MAPK4: variants seen among roughly 807,000 people sequenced by gnomAD.
The protein encoded by MAPK4 is mitogen-activated protein kinase 4.
Under a neutral mutation model 47.7 loss-of-function variants are expected in MAPK4, and 22 were observed. That is an observed-to-expected ratio of 0.46 (90% confidence interval 0.33 to 0.66). MAPK4 has a LOEUF of 0.66. MAPK4 is among the 30% of genes least tolerant of loss of function. The pLI, the probability that MAPK4 is intolerant of heterozygous loss-of-function variation, is 0.02. For missense variants in MAPK4, 736 were observed against 831.7 expected, an observed-to-expected ratio of 0.88 and a Z score of 1.42; for synonymous variants, 390 against 365.7, an observed-to-expected ratio of 1.07 and a Z score of -0.76.
At position 50,571,016 on chromosome 18, in the gene MAPK4, A is replaced by G. The variant is rs2042245443; in HGVS notation, c.-871+10773A>G. On this transcript the variant is annotated intron_variant, in intron 1 of 5. Transcript: ENST00000400384. ...AGCTGAGCTATCCTCTCAGAAAATCACTGTCTGCCCAGGGAACCATAGCCT... is the reference window on the plus strand; with the variant it reads ...AGCTGAGCTATCCTCTCAGAAAATCGCTGTCTGCCCAGGGAACCATAGCCT... 3.3e-5 allele frequency among the ~76,000 whole-genome samples: 5 copies of G among 152,224 alleles called. No homozygotes were observed. The South Asian group carries it at 1.0e-3, about 32-fold the overall frequency.
intron 2 of MAPK4, among the ~76,000 whole-genome samples, chr18:50,679,088 TG>T (rs1908436632): frequency 6.6e-6 from 1 of 152,176 alleles, no homozygotes; most frequent in Admixed American, 6.5e-5. Flanking sequence ...CCTTTTATTA[TG>T]GAATTGGAGT....
intron 1 of MAPK4, among the ~76,000 whole-genome samples, chr18:50,586,981 A>G (rs1244820905): frequency 6.6e-6 from 1 of 152,226 alleles, no homozygotes; most frequent in Non-Finnish European, 1.5e-5. Flanking sequence ...ATCTGAGAAA[A>G]TAAAATTATG....
intron 1 of MAPK4, among the ~76,000 whole-genome samples, chr18:50,642,825 G>T (rs150455307): frequency 2.0e-5 from 3 of 152,170 alleles, no homozygotes; most frequent in Non-Finnish European, 2.9e-5. Flanking sequence ...GGCTGGTCTC[G>T]AACTCCTGAC....
chr18:50,603,648 T>C (rs1457562757), intron 1 of MAPK4, among the ~76,000 whole-genome samples: 2 of 151,952 alleles, frequency 1.3e-5, no homozygotes, highest in Non-Finnish European at 2.9e-5. Flanking sequence ...TGGGCCTGTA[T>C]GTACAAACTA....
chr18:50,684,508 T>C (rs1168947447), intron 2 of MAPK4, among the ~76,000 whole-genome samples: 2 of 150,976 alleles, frequency 1.3e-5, no homozygotes, highest in East Asian at 3.9e-4. Context: ...ATCAAGCCAC[T>C]ATACTCCAGC....
rs1396881734 is a variant in MAPK4 at position 50,565,321 on chromosome 18, C to CA, written c.-871+5079dup. On this transcript the variant is annotated intron_variant, in intron 1 of 5. Coordinates refer to ENST00000400384, the MANE Select transcript of MAPK4 (RefSeq NM_002747.4). ...AGGGGCAGGGATCGTTCCGGTTTAG[C>CA]AGGAGGCTCTGTGTTCCACTAGTGG... Among the ~76,000 whole-genome samples the CA allele has an allele frequency of 3.3e-5, 5 of 152,290 alleles. No homozygotes were observed. The East Asian group carries it at 9.6e-4, about 29-fold the overall frequency.
chr18:50,669,488 G>C (rs924727335), intron 2 of MAPK4: 2 of 152,250 alleles, frequency 1.3e-5, no homozygotes, highest in African/African-American at 4.8e-5. Flanking sequence ...TGGGGCTGCT[G>C]GGGGGACCAC....
chr18:50,655,811 A>G (rs1203631181), intron 1 of MAPK4, among the ~76,000 whole-genome samples: 1 of 152,158 alleles, frequency 6.6e-6, no homozygotes, highest in East Asian at 1.9e-4. Context: ...GGGATTTAAA[A>G]AACTTTCTTT....
intron 1 of MAPK4, chr18:50,560,870 G>T (rs1412311607): frequency 6.6e-6 from 1 of 152,274 alleles, no homozygotes; most frequent in Non-Finnish European, 1.5e-5. Flanking sequence ...TGACATCCCA[G>T]CTGGGTCCCG....
intron 2 of MAPK4, among the ~76,000 whole-genome samples, chr18:50,690,461 G>C (rs1375869743): frequency 6.6e-6 from 1 of 152,204 alleles, no homozygotes; most frequent in Non-Finnish European, 1.5e-5. Flanking sequence ...AACTTATTTG[G>C]AGAGCAAGAC....
intron 2 of MAPK4, among the ~76,000 whole-genome samples, chr18:50,700,995 C>T (rs114913670): frequency 0.011 from 1,605 of 152,216 alleles, 23 homozygotes; most frequent in African/African-American, 0.036. Context: ...TGCAGCCATG[C>T]CCTTCACGTG....
intron 1 of MAPK4, among the ~76,000 whole-genome samples, chr18:50,578,662 C>T (rs2042318142): frequency 6.6e-6 from 1 of 152,138 alleles, no homozygotes; most frequent in African/African-American, 2.4e-5. Flanking sequence ...TTATGAAACA[C>T]CTAATGCATG....
chr18:50,714,952 G>A, intron 2 of MAPK4, 127 bp from the exon 3 acceptor site: 1 of 924,432 alleles, frequency 1.1e-6, no homozygotes, highest in East Asian at 2.5e-5. Context: ...AAGATCAATG[G>A]GAAAGGGGCA....
intron 3 of MAPK4, among the ~76,000 whole-genome samples, chr18:50,716,563 TG>T (rs1910645221): frequency 6.6e-6 from 1 of 152,226 alleles, no homozygotes; most frequent in Non-Finnish European, 1.5e-5. Context: ...TAGAGGACCA[TG>T]GTGAGGCCAG....
chr18:50,596,133 T>C (rs1025994895), intron 1 of MAPK4, among the ~76,000 whole-genome samples: 1 of 152,184 alleles, frequency 6.6e-6, no homozygotes, highest in African/African-American at 2.4e-5. Flanking sequence ...CATTCAATTC[T>C]CACAACTCCA....
chr18:50,684,060 C>A (rs1401328868), intron 2 of MAPK4, among the ~76,000 whole-genome samples: 1 of 151,996 alleles, frequency 6.6e-6, no homozygotes, highest in Non-Finnish European at 1.5e-5. Flanking sequence ...CCAGAGAGAG[C>A]CAGGTTGTGT....
At chr18:50,636,495 G>A (rs2042890135) in intron 1 of MAPK4, among the ~76,000 whole-genome samples, 2 of 152,180 alleles carry the variant, frequency 1.3e-5, no homozygotes, top group African/African-American at 4.8e-5. Flanking sequence ...TCTGTAACCA[G>A]GTGACTCCTC....
At chr18:50,573,967 G>A (rs777081700) in intron 1 of MAPK4, among the ~76,000 whole-genome samples, 2 of 152,190 alleles carry the variant, frequency 1.3e-5, no homozygotes, top group Non-Finnish European at 2.9e-5. Flanking sequence ...TGTGTGGCTT[G>A]TCTTAGATGA....
At chr18:50,641,829 G>C (rs1418786927) in intron 1 of MAPK4, among the ~76,000 whole-genome samples, 1 of 152,134 alleles carries the variant, frequency 6.6e-6, no homozygotes, top group Non-Finnish European at 1.5e-5. Flanking sequence ...TATACTAAAA[G>C]TAAAGTAAAT....
Sources: allele counts gnomAD v4.1 joint callset (sites outside exome capture counted in the v4.1 genomes callset), GRCh38; gene constraint gnomAD v4.1.1; transcripts MANE v1.5; gene names NCBI Gene and HGNC (gene_info 2026-07-23, HGNC 2026-07-21).